The following SPTBN2 variants were observed in gnomAD, a reference collection of about 807,000 sequenced individuals.
SPTBN2 encodes the protein spectrin beta chain, non-erythrocytic 2.
A neutral mutation model predicts 284.2 loss-of-function variants in SPTBN2; 107 were observed. The ratio of observed to expected loss-of-function variants is 0.38; its 90% CI spans 0.32 to 0.44. The LOEUF is 0.44. Ranked by LOEUF, SPTBN2 falls within the 20% of genes least tolerant of loss-of-function variation. The pLI is 1.00. For synonymous variants in SPTBN2, 1,289 were observed against 1,354.8 expected, an observed-to-expected ratio of 0.95 and a Z score of 1.07; for missense variants, 2,569 against 3,287.1, an observed-to-expected ratio of 0.78 and a Z score of 5.34.
chr11:66,685,398 G>T lies in SPTBN2; in HGVS notation c.*473C>A. ...GGGGGTGGGGAGGGAGGGCTCCTGCGCCTCTGACTGTCATCTGGCACTTCT... is the reference window on the plus strand; with the variant it reads ...GGGGGTGGGGAGGGAGGGCTCCTGCTCCTCTGACTGTCATCTGGCACTTCT... On this transcript the variant is annotated 3_prime_UTR_variant, in exon 38 of 38. Coordinates refer to ENST00000533211, the MANE Select transcript of SPTBN2 (RefSeq NM_006946.4). The surrounding 1 kb of genome is among the most constrained non-coding windows in gnomAD (Gnocchi z 4.4). 1 of 192,762 alleles carries T rather than the reference G, an allele frequency of 5.2e-6. No individual in the cohort carries two copies. The highest frequency in any genetic ancestry group is 1.1e-5 in the Non-Finnish European group (1 of 91,240). 11.9% of individuals were successfully genotyped at this position (192,762 alleles called of 1,614,324 possible).
Position 66,703,661 on chromosome 11 carries a change from C to T in SPTBN2, c.2678+937G>A, listed in dbSNP as rs140602458. ...CTGAGGCAGGAGAATCGCTGGAACC[C>T]GGGAGGCAGAGCATGCAGTGAGCCG... On this transcript the variant is annotated intron_variant, in intron 15 of 37. Transcript: ENST00000533211. Among the ~76,000 whole-genome samples the T allele has an allele frequency of 5.5e-3, 830 of 151,682 alleles. 59 individuals are homozygous for T. The East Asian group carries it at 0.14, about 26-fold the overall frequency.
At chr11:66,726,738 G>C (rs549168898) in intron 1 of SPTBN2, among the ~76,000 whole-genome samples, 1 of 152,212 alleles carries the variant, frequency 6.6e-6, no homozygotes, top group Non-Finnish European at 1.5e-5. Context: ...GAGAAGTCAC[G>C]GGAAGGCAGA....
rs1939879107 is a variant in SPTBN2, at chr11:66,682,914, CACTACACCTG to C, written c.*2947_*2956del. Among the ~76,000 whole-genome samples, 1 of 151,778 alleles carries C rather than the reference CACTACACCTG, an allele frequency of 6.6e-6. No homozygotes were observed. Among genetic ancestry groups the C allele is most frequent in the Admixed American group, 6.6e-5 (1 of 15,234 alleles). On this transcript the variant is annotated 3_prime_UTR_variant, in exon 38 of 38. Transcript: ENST00000533211. Reference sequence around the variant, plus strand: ...AGTAGCTGAGACTACAGGCACATGCCACTACACCTGGCTAATTTTTGTAGAGATGGGGTTT... The same window carrying C: ...AGTAGCTGAGACTACAGGCACATGCCGCTAATTTTTGTAGAGATGGGGTTT...
At chr11:66,696,227 AG>A (rs754753720) in intron 21 of SPTBN2, 49 bp downstream of exon 21, 1 of 1,601,624 alleles carries the variant, frequency 6.2e-7, no homozygotes, top group Non-Finnish European at 8.5e-7. Context: ...TGAAAGCTGC[AG>A]CCCCTTTCTT....
At chr11:66,730,785 T>C (rs1942798712), upstream of SPTBN2, among the ~76,000 whole-genome samples, 1 of 152,208 alleles carries the variant, frequency 6.6e-6, no homozygotes, top group South Asian at 2.1e-4. Context: ...CATTTCATAA[T>C]CCTTCAAGAA....
chr11:66,735,326 C>A (rs1430555537), intron 1 of SPTBN2, among the ~76,000 whole-genome samples: 1 of 150,082 alleles, frequency 6.7e-6, no homozygotes, highest in Admixed American at 6.6e-5. Context: ...GAGCAAGACA[C>A]CGTCTCAAAA....
intron 1 of SPTBN2, among the ~76,000 whole-genome samples, chr11:66,722,197 T>C (rs1345776399): frequency 2.6e-5 from 4 of 152,172 alleles, no homozygotes; most frequent in Non-Finnish European, 4.4e-5. Flanking sequence ...ATCCCTGCCA[T>C]TGACATGCAT....
At chr11:66,736,633 C>T (rs1483507906) in intron 1 of SPTBN2, among the ~76,000 whole-genome samples, 1 of 152,206 alleles carries the variant, frequency 6.6e-6, no homozygotes, top group Non-Finnish European at 1.5e-5. Flanking sequence ...GAAAAAGTGT[C>T]TGATTACACT....
At position 66,685,392 on chromosome 11, in the gene SPTBN2, T is replaced by C. The variant is rs532966800; in HGVS notation, c.*479A>G. The C allele has an allele frequency of 4.2e-5, 8 of 190,200 alleles. No individual in the cohort carries two copies. Among genetic ancestry groups the C allele is most frequent in the Admixed American group, 2.7e-4 (5 of 18,304 alleles). The allele number at this position is 190,200 out of a possible 1,614,324, so 11.8% of individuals were successfully genotyped here. A position where few individuals can be genotyped will look rare whatever the true frequency, so the allele number is the denominator to read the frequency against. ...CAGGGTGGGGGTGGGGAGGGAGGGC[T>C]CCTGCGCCTCTGACTGTCATCTGGC... On this transcript the variant is annotated 3_prime_UTR_variant, in exon 38 of 38. Coordinates refer to ENST00000533211, the MANE Select transcript of SPTBN2 (RefSeq NM_006946.4). The surrounding 1 kb of genome is among the most constrained non-coding windows in gnomAD (Gnocchi z 4.4).
chr11:66,728,383 C>T (rs1427776066), intron 1 of SPTBN2: 1 of 146,966 alleles, frequency 6.8e-6, no homozygotes, highest in Middle Eastern at 3.3e-3. Context: ...AGCGGCGGGA[C>T]TGCGGCGCCG....
intron 21 of SPTBN2, among the ~76,000 whole-genome samples, chr11:66,694,972 T>C (rs2135374066): frequency 2.0e-5 from 3 of 152,376 alleles, no homozygotes; most frequent in Middle Eastern, 6.8e-3. Context: ...TGGCAAGTTT[T>C]GCTGCACTCT....
chr11:66,688,337 T>G, intron 31 of SPTBN2, 26 bp from the exon 32 acceptor site: 1 of 1,559,190 alleles, frequency 6.4e-7, no homozygotes. Context: ...GCATTCAGCG[T>G]GTAGAAGGTT....
upstream of SPTBN2, among the ~76,000 whole-genome samples, chr11:66,733,808 C>T (rs901644854): frequency 6.6e-6 from 1 of 152,100 alleles, no homozygotes; most frequent in African/African-American, 2.4e-5. Context: ...GAAACCCCGT[C>T]TCTACTAAAA....
rs959397392 is a variant in SPTBN2 at position 66,710,107 on chromosome 11, A to G, written c.1073+475T>C. Among the ~76,000 whole-genome samples, 10 of 152,188 alleles carry G rather than the reference A, an allele frequency of 6.6e-5. No individual in the cohort carries two copies. The highest frequency in any genetic ancestry group is 3.2e-3 in the Middle Eastern group (1 of 316). On this transcript the variant is annotated intron_variant, in intron 10 of 37. Transcript: ENST00000533211. This position sits in a 1 kb window ranked among gnomAD's most constrained non-coding sequence, Gnocchi z 4.9. ...ACCCAGGTTGGAGTGCAGTGGCGTG[A>G]TCTTGGCTCACTGCAACCTCTGTCT...
At chr11:66,729,677 G>A (rs1383331746), upstream of SPTBN2, among the ~76,000 whole-genome samples, 1 of 152,154 alleles carries the variant, frequency 6.6e-6, no homozygotes, top group Non-Finnish European at 1.5e-5. Flanking sequence ...TGGGAGGAGG[G>A]TTGGGGAGTT....
In SPTBN2 at chr11:66,691,755, C is replaced by T; in HGVS notation, c.5191-97G>A. On this transcript the variant is annotated intron_variant, in intron 26 of 37. Coordinates refer to ENST00000533211, the MANE Select transcript of SPTBN2 (RefSeq NM_006946.4). The surrounding 1 kb of genome is among the most constrained non-coding windows in gnomAD (Gnocchi z 8.0). ...TCCTCCACTCCAAACTCAGAACCCA[C>T]CTCTCCCCGCTGCATGGGGGCCGGG... The T allele has an allele frequency of 6.4e-7, 1 of 1,563,822 alleles. No homozygotes were observed. Among genetic ancestry groups the T allele is most frequent in the Non-Finnish European group, 8.7e-7 (1 of 1,149,192 alleles).
intron 20 of SPTBN2, among the ~76,000 whole-genome samples, chr11:66,696,752 C>A (rs1343263593): frequency 6.6e-6 from 1 of 152,196 alleles, no homozygotes; most frequent in Non-Finnish European, 1.5e-5. Flanking sequence ...ACTCCTCCTT[C>A]AAGACCCAGC....
chr11:66,686,268 G>T, intron 37 of SPTBN2, 130 bp downstream of exon 37: 1 of 1,426,626 alleles, frequency 7.0e-7, no homozygotes, highest in Non-Finnish European at 9.9e-7. Flanking sequence ...TGGTGCGGCC[G>T]TCGCACACAT....
chr11:66,732,664 A>G (rs1253130362), upstream of SPTBN2, among the ~76,000 whole-genome samples: 1 of 148,972 alleles, frequency 6.7e-6, no homozygotes, highest in East Asian at 2.0e-4. Flanking sequence ...AAAAAAAAAA[A>G]AAAAAAAATG....
Sources: gnomAD v4.1 joint callset for allele counts (sites outside exome capture counted in the v4.1 genomes callset) on GRCh38, gnomAD v4.1.1 for gene constraint, Gnocchi (gnomAD v3.1) non-coding constraint, MANE v1.5 for transcripts, NCBI Gene and HGNC (gene_info 2026-07-23, HGNC 2026-07-21) for gene names.